The following CKMT1A variants were observed in gnomAD, a reference collection of about 807,000 sequenced individuals.
CKMT1A encodes the protein creatine kinase, mitochondrial 1A, also known as creatine kinase U-type, mitochondrial.
In CKMT1A, 23 loss-of-function variants were observed where a neutral mutation model predicts 21.8. That is an observed-to-expected ratio of 1.05 (90% CI 0.76 to 1.49). The LOEUF (loss-of-function observed/expected upper bound fraction) is 1.49. Ranked by LOEUF, CKMT1A falls within the 40% of genes most tolerant of loss-of-function variation. The pLI is 0.00. For synonymous variants in CKMT1A, 67 were observed against 80.4 expected, an observed-to-expected ratio of 0.83 and a Z score of 0.89; for missense variants, 154 against 229.4, an observed-to-expected ratio of 0.67 and a Z score of 2.12.
rs747884703 is a variant in CKMT1A, at chr15:43,698,186, G to A, written c.1011+38G>A. 8.7e-6 allele frequency: 14 copies of A among 1,600,774 alleles called. 1 individual carries two copies. The East Asian group carries it at 3.1e-4, about 36-fold the overall frequency. ...TGGGGTTACAGAGGGGTGTGAGTAAGGAAGGGTGGGTTGTGGATGGGGAGG... is the reference window on the plus strand; with the variant it reads ...TGGGGTTACAGAGGGGTGTGAGTAAAGAAGGGTGGGTTGTGGATGGGGAGG... On this transcript the variant is annotated intron_variant, in intron 7 of 8. Transcript: ENST00000413453.
In CKMT1A at chr15:43,697,238, T is replaced by C. The variant is rs2086460194; in HGVS notation, c.877-776T>C. 5 of 1,222,500 alleles carry C rather than the reference T, an allele frequency of 4.1e-6. No homozygotes were observed. In the South Asian group the frequency reaches 7.4e-5, roughly 18 times the overall value. 75.7% of individuals were successfully genotyped at this position (1,222,500 alleles called of 1,614,324 possible). ...AGTGAAATACAGGTAAAGTACTTGG[T>C]CCACAGTAAGTGCTTAATAAGTGTT... is the stretch of plus-strand genomic sequence containing the variant. On this transcript the variant is annotated intron_variant, in intron 6 of 8. Transcript: ENST00000413453.
chr15:43,699,028 G>A lies in CKMT1A; in HGVS notation c.1193G>A (p.Arg398Gln), dbSNP rs754187376. The change falls in exon 9 of 9, where the codon CGG (arginine) becomes CAG (glutamine). Residue 398 changes from arginine to glutamine, a missense_variant. Transcript: ENST00000413453. ...GTAAACTATTTGATTGATTGTGAAC[G>A]GCGTCTGGAGAGAGGCCAGGATATC... ...DGVNYLIDCE[R>Q]RLERGQDIRI... 8 of 1,613,440 alleles carry A rather than the reference G, an allele frequency of 5.0e-6. 1 individual carries two copies. The highest frequency in any genetic ancestry group is 2.2e-5 in the South Asian group (2 of 91,042).
In CKMT1A at chr15:43,696,319, A is replaced by G; in HGVS notation, c.832A>G (p.Asn278Asp). The stretch of plus-strand genomic sequence containing the variant: ...GGTGATCTCCATGGAGAAGGGTGGT[A>G]ACATGAAGAGAGTGTTTGAAAGATT... Reference protein sequence around the residue: ...TRVISMEKGGNMKRVFERFCR... With the variant: ...TRVISMEKGGDMKRVFERFCR... Residue 278 changes from asparagine to aspartate, a missense_variant, in exon 6 of 9, where the codon AAC becomes GAC. Asn to Asp is a conservative substitution (Grantham distance 23). Transcript: ENST00000413453. The G allele has an allele frequency of 1.2e-6, 2 of 1,609,310 alleles. No individual in the cohort carries two copies. The highest frequency in any genetic ancestry group is 1.7e-6 in the Non-Finnish European group (2 of 1,178,462).
At chr15:43,698,282 C>T in intron 7 of CKMT1A, 134 bp downstream of exon 7, 2 of 1,312,214 alleles carry the variant, frequency 1.5e-6, no homozygotes, top group Non-Finnish European at 2.1e-6. Context: ...GGCACAGTGG[C>T]TCATGCCTCT....
Position 43,699,022 on chromosome 15 carries a change from G to A in CKMT1A, c.1187G>A (p.Cys396Tyr), listed in dbSNP as rs1158779224. Residue 396 changes from cysteine to tyrosine, a missense_variant, in exon 9 of 9, where the codon TGT becomes TAT. Coordinates refer to ENST00000413453, the MANE Select transcript of CKMT1A (RefSeq NM_001321926.2). ...GATGGAGTAAACTATTTGATTGATTGTGAACGGCGTCTGGAGAGAGGCCAG... is the reference window on the plus strand; with the variant it reads ...GATGGAGTAAACTATTTGATTGATTATGAACGGCGTCTGGAGAGAGGCCAG... ...VIDGVNYLID[C>Y]ERRLERGQDI... is the part of the protein sequence containing the mutation. 3 of 1,613,408 alleles carry A rather than the reference G, an allele frequency of 1.9e-6. No homozygotes were observed. Among genetic ancestry groups the A allele is most frequent in the Admixed American group, 1.7e-5 (1 of 59,962 alleles).
chr15:43,697,701 C>T (rs1490042919), intron 6 of CKMT1A: 1 of 984,568 alleles, frequency 1.0e-6, no homozygotes, highest in African/African-American at 1.7e-5. Flanking sequence ...AATAATCAGT[C>T]CTCTCTCAGT....
In CKMT1A at chr15:43,699,172, G is replaced by A; in HGVS notation, c.*83G>A. 6.2e-7 allele frequency: 1 copy of A among 1,607,070 alleles called. No individual in the cohort carries two copies. The highest frequency in any genetic ancestry group is 8.5e-7 in the Non-Finnish European group (1 of 1,175,508). ...GGCCCATTCTACTTGCTCTGGACCT[G>A]CCCTCGCATCCCCTGCCTCCATCCT... is the stretch of plus-strand genomic sequence containing the variant. On this transcript the variant is annotated 3_prime_UTR_variant, in exon 9 of 9. Coordinates refer to ENST00000413453, the MANE Select transcript of CKMT1A (RefSeq NM_001321926.2).
Position 43,696,837 on chromosome 15 carries a change from T to A in CKMT1A, c.876+474T>A, listed in dbSNP as rs537420923. 83 of 283,966 alleles carry A rather than the reference T, an allele frequency of 2.9e-4. 1 individual carries two copies. Among genetic ancestry groups the A allele is most frequent in the African/African-American group, 1.7e-3 (79 of 45,420 alleles). 17.6% of individuals were successfully genotyped at this position (283,966 alleles called of 1,614,324 possible). ...TCGGGTCTAGGCTTTAAGTTGAGAG[T>A]TCAGAGGGAGACTGGGGAAGGTGGA... On this transcript the variant is annotated intron_variant, in intron 6 of 8. Coordinates refer to ENST00000413453, the MANE Select transcript of CKMT1A (RefSeq NM_001321926.2).
rs750982871 is a variant in CKMT1A, at chr15:43,696,292, C to T, written c.805C>T (p.Arg269Trp). ...LIWVNEEDHT[R>W]VISMEKGGNM... ...CTGGGTGAATGAGGAGGATCATACA[C>T]GGGTGATCTCCATGGAGAAGGGTGG... is the stretch of plus-strand genomic sequence containing the variant. Residue 269 changes from arginine to tryptophan, a missense_variant, in exon 6 of 9, where the codon CGG (arginine) becomes TGG (tryptophan). Arg to Trp is a moderately radical substitution (Grantham distance 101, BLOSUM62 -3). Transcript: ENST00000413453. 1.5e-5 allele frequency: 24 copies of T among 1,599,752 alleles called. 1 individual carries two copies. Among genetic ancestry groups the T allele is most frequent in the African/African-American group, 9.8e-5 (7 of 71,216 alleles).
At chr15:43,696,461 A>C in intron 6 of CKMT1A, 98 bp downstream of exon 6, 7 of 1,580,106 alleles carry the variant, frequency 4.4e-6, no homozygotes, top group Non-Finnish European at 6.1e-6. Context: ...AACCCAAGAC[A>C]TGTCTGATGG....
chr15:43,697,796 T>C, intron 6 of CKMT1A: 4 of 984,546 alleles, frequency 4.1e-6, no homozygotes, highest in Non-Finnish European at 4.8e-6. Context: ...AAGATATTTT[T>C]TCACAATCTC....
At chr15:43,698,240 A>G (rs2086479999) in intron 7 of CKMT1A, 92 bp downstream of exon 7, 3 of 1,591,414 alleles carry the variant, frequency 1.9e-6, no homozygotes, top group Middle Eastern at 1.8e-4. Context: ...GGAGCCAAAC[A>G]TGTTGTGGCT....
intron 6 of CKMT1A, chr15:43,697,466 G>A (rs3866942): frequency 1.0e-6 from 1 of 984,484 alleles, no homozygotes; most frequent in Non-Finnish European, 1.2e-6. Context: ...CATGGTTAAT[G>A]GAAGCAAAAT....
Position 43,697,558 on chromosome 15 carries a change from G to A in CKMT1A, c.877-456G>A, listed in dbSNP as rs140283781. 107 of 984,572 alleles carry A rather than the reference G, an allele frequency of 1.1e-4. No homozygotes were observed. In the African/African-American group the frequency reaches 1.5e-3, roughly 14 times the overall value. 61.0% of individuals were successfully genotyped at this position (984,572 alleles called of 1,614,324 possible). ...TTCTCTGCATTCACACAGGTGCTCC[G>A]TTCACAGCTAATAGAACGTTATCTC... On this transcript the variant is annotated intron_variant, in intron 6 of 8. Transcript: ENST00000413453.
At chr15:43,697,416 T>G in intron 6 of CKMT1A, 1 of 985,046 alleles carries the variant, frequency 1.0e-6, no homozygotes, top group Non-Finnish European at 1.2e-6. Flanking sequence ...CTCTGCTAGA[T>G]CCCTTGTCTC....
chr15:43,696,598 A>T (rs530911281), intron 6 of CKMT1A: 4 of 649,094 alleles, frequency 6.2e-6, no homozygotes, highest in Non-Finnish European at 1.0e-5. Context: ...TAGAAAGTGA[A>T]GAAGGCAGGT....
Position 43,698,690 on chromosome 15 carries a change from G to C in CKMT1A, c.1061G>C (p.Gly354Ala). 1.2e-6 allele frequency: 2 copies of C among 1,613,576 alleles called. 1 individual carries two copies. Among genetic ancestry groups the C allele is most frequent in the African/African-American group, 2.7e-5 (2 of 74,834 alleles). The change falls in exon 8 of 9, where the codon GGT becomes GCT. Residue 354 changes from glycine (G) to alanine (A), a missense_variant. Transcript: ENST00000413453. ...GAGAACCTAAGACTCCAAAAGCGTG[G>C]TACTGGAGGAGTGGACACTGCTGCC... ...ILENLRLQKR[G>A]TGGVDTAATG...
chr15:43,696,280 G>T lies in CKMT1A; in HGVS notation c.793G>T (p.Glu265Ter). The stretch of plus-strand genomic sequence containing the variant: ...GAGCTTCCTGATCTGGGTGAATGAG[G>T]AGGATCATACACGGGTGATCTCCAT... ...EKSFLIWVNE[E>*]DHTRVISMEK... The change falls in exon 6 of 9, where the codon GAG becomes TAG. Residue 265 changes from glutamate (E) to a stop codon, truncating the protein, a stop_gained. Transcript: ENST00000413453. LOFTEE classifies it high-confidence loss of function. The T allele has an allele frequency of 6.3e-7, 1 of 1,596,838 alleles. No individual in the cohort carries two copies. The highest frequency in any genetic ancestry group is 1.1e-5 in the South Asian group (1 of 90,332).
At position 43,699,118 on chromosome 15, in the gene CKMT1A, T is replaced by C; in HGVS notation, c.*29T>C. On this transcript the variant is annotated 3_prime_UTR_variant, in exon 9 of 9. Coordinates refer to ENST00000413453, the MANE Select transcript of CKMT1A (RefSeq NM_001321926.2). ...CCCATCGCCAGCTGATGACTCAAGA[T>C]TCCAAGGAGTTCTGCTCATTCTAAT... 1 of 1,613,398 alleles carries C rather than the reference T, an allele frequency of 6.2e-7. No homozygotes were observed. Among genetic ancestry groups the C allele is most frequent in the Non-Finnish European group, 8.5e-7 (1 of 1,179,842 alleles).
Sources: gnomAD v4.1 joint callset for allele counts on GRCh38, gnomAD v4.1.1 for gene constraint, MANE v1.5 for transcripts, NCBI Gene and HGNC (gene_info 2026-07-23, HGNC 2026-07-21) for gene names.